The following DDAH1 variants were observed in gnomAD, a reference collection of about 807,000 sequenced individuals.
The protein encoded by DDAH1 is N(G),N(G)-dimethylarginine dimethylaminohydrolase 1.
DDAH1 carries 19 observed loss-of-function variants against 28.8 expected under a neutral mutation model. The ratio of observed to expected loss-of-function variants is 0.66; its 90% CI spans 0.46 to 0.97. The LOEUF (loss-of-function observed/expected upper bound fraction) is 0.97. Among genes scored for constraint, DDAH1 ranks in the 50% least tolerant of loss-of-function variants. The probability of loss-of-function intolerance (pLI) is 0.00; values close to 1 mark genes in which losing one functional copy is unlikely to be tolerated. For synonymous variants in DDAH1, 153 were observed against 154.4 expected, an observed-to-expected ratio of 0.99 and a Z score of 0.07; for missense variants, 326 against 375.9, an observed-to-expected ratio of 0.87 and a Z score of 1.10.
chr1:85,370,678 G>A (rs777807804), intron 1 of DDAH1, among the ~76,000 whole-genome samples: 5 of 152,212 alleles, frequency 3.3e-5, no homozygotes, highest in Non-Finnish European at 5.9e-5. Context: ...ATGTGTTCTG[G>A]AGGGTGGACG....
intron 1 of DDAH1, among the ~76,000 whole-genome samples, chr1:85,520,517 G>A (rs1256177990): frequency 6.6e-6 from 1 of 152,212 alleles, no homozygotes; most frequent in Non-Finnish European, 1.5e-5. Flanking sequence ...TACATGAAAT[G>A]TTTAAGAAGA....
At chr1:85,461,028 T>C (rs1450981611) in intron 1 of DDAH1, among the ~76,000 whole-genome samples, 1 of 152,104 alleles carries the variant, frequency 6.6e-6, no homozygotes, top group African/African-American at 2.4e-5. Flanking sequence ...AGCAGGAGGA[T>C]TGTTGAGCCC....
chr1:85,445,059 C>G (rs143705304), intron 1 of DDAH1, among the ~76,000 whole-genome samples: 2 of 152,136 alleles, frequency 1.3e-5, no homozygotes, highest in African/African-American at 4.8e-5. Context: ...GCCAGTCTCT[C>G]TTTTCACATT....
intron 2 of DDAH1, among the ~76,000 whole-genome samples, chr1:85,471,363 A>G (rs1655616035): frequency 6.6e-6 from 1 of 152,148 alleles, no homozygotes; most frequent in African/African-American, 2.4e-5. Context: ...TCACACCTCT[A>G]AAAACATTCC....
chr1:85,462,087 T>C (rs954778643), intron 1 of DDAH1, among the ~76,000 whole-genome samples: 1 of 152,178 alleles, frequency 6.6e-6, no homozygotes, highest in African/African-American at 2.4e-5. Flanking sequence ...TGGTATGGTG[T>C]ATGGCAAGTG....
intron 1 of DDAH1, among the ~76,000 whole-genome samples, chr1:85,396,861 C>T (rs972305474): frequency 6.6e-6 from 1 of 151,518 alleles, no homozygotes; most frequent in African/African-American, 2.4e-5. Flanking sequence ...ATGGTAAAAC[C>T]CTATTGCTAT....
At chr1:85,427,678 AAC>A (rs1391189892) in intron 1 of DDAH1, among the ~76,000 whole-genome samples, 1 of 152,214 alleles carries the variant, frequency 6.6e-6, no homozygotes, top group African/African-American at 2.4e-5. Flanking sequence ...AAAACAAACA[AAC>A]ACAGTGTAAA....
intron 1 of DDAH1, chr1:85,398,469 C>T (rs899372802): frequency 6.6e-5 from 10 of 152,256 alleles, no homozygotes; most frequent in Middle Eastern, 3.4e-3. Flanking sequence ...TGGACTGGAT[C>T]CTGAATTCTT....
At chr1:85,387,027 C>A (rs1651302780) in intron 1 of DDAH1, among the ~76,000 whole-genome samples, 1 of 152,172 alleles carries the variant, frequency 6.6e-6, no homozygotes, top group Admixed American at 6.5e-5. Flanking sequence ...TGCCCTGGGC[C>A]ATTCCCCTGA....
intron 1 of DDAH1, among the ~76,000 whole-genome samples, chr1:85,446,819 TTTC>T (rs557752604): frequency 1.3e-5 from 2 of 152,224 alleles, no homozygotes; most frequent in Non-Finnish European, 2.9e-5. Flanking sequence ...TTCCTCCTCC[TTTC>T]TTCTTCTCCT....
intron 1 of DDAH1, among the ~76,000 whole-genome samples, chr1:85,461,501 A>T (rs1453766540): frequency 6.6e-6 from 1 of 152,184 alleles, no homozygotes; most frequent in Non-Finnish European, 1.5e-5. Context: ...CAATAACAAT[A>T]GAAAGAGGCA....
At chr1:85,428,529 C>A (rs551128257) in intron 1 of DDAH1, among the ~76,000 whole-genome samples, 1 of 152,232 alleles carries the variant, frequency 6.6e-6, no homozygotes, top group South Asian at 2.1e-4. Context: ...ATGGGAGCTA[C>A]AAATTCAAGA....
chr1:85,337,456 A>ATT lies in DDAH1; in HGVS notation c.598-12575_598-12574dup, dbSNP rs35496019. Among the ~76,000 whole-genome samples the ATT allele has an allele frequency of 2.5e-4, 36 of 145,052 alleles. No individual in the cohort carries two copies. In the East Asian group the frequency reaches 3.4e-3, roughly 14 times the overall value. On this transcript the variant is annotated intron_variant, in intron 4 of 5. Coordinates refer to ENST00000284031, the MANE Select transcript of DDAH1 (RefSeq NM_012137.4). ...AGGAAATTATGTCACAATAAAACTA[A>ATT]TTTTTTTTTTTTTTTGAGATGTAGT...
chr1:85,337,650 C>T (rs1295266064), intron 4 of DDAH1, among the ~76,000 whole-genome samples: 1 of 152,116 alleles, frequency 6.6e-6, no homozygotes, highest in Non-Finnish European at 1.5e-5. Flanking sequence ...GATGGGGTTT[C>T]ACCATATTGG....
intron 1 of DDAH1, among the ~76,000 whole-genome samples, chr1:85,431,143 A>C (rs1460706690): frequency 6.6e-6 from 1 of 152,088 alleles, no homozygotes; most frequent in Non-Finnish European, 1.5e-5. Flanking sequence ...GCATGTATTG[A>C]GATAATCATG....
chr1:85,551,031 G>A (rs1217888233), intron 1 of DDAH1, among the ~76,000 whole-genome samples: 1 of 152,184 alleles, frequency 6.6e-6, no homozygotes, highest in Non-Finnish European at 1.5e-5. Context: ...CTATGTATAA[G>A]CTGAGTTACC....
At chr1:85,393,372 T>A (rs1445733814) in intron 1 of DDAH1, among the ~76,000 whole-genome samples, 1 of 152,208 alleles carries the variant, frequency 6.6e-6, no homozygotes, top group African/African-American at 2.4e-5. Context: ...GTTCTATCCA[T>A]GAGTCCAGGC....
At chr1:85,415,650 GA>G (rs1195964780) in intron 1 of DDAH1, among the ~76,000 whole-genome samples, 3 of 151,866 alleles carry the variant, frequency 2.0e-5, no homozygotes, top group Admixed American at 6.6e-5. Context: ...TTCAAAAACA[GA>G]AAAAAATGAA....
chr1:85,474,532 A>G (rs1655728601), intron 2 of DDAH1, among the ~76,000 whole-genome samples: 1 of 152,078 alleles, frequency 6.6e-6, no homozygotes, highest in African/African-American at 2.4e-5. Context: ...AATCCTCTTT[A>G]GACTCGTTGA....
Sources: gnomAD v4.1 joint callset for allele counts (sites outside exome capture counted in the v4.1 genomes callset) on GRCh38, gnomAD v4.1.1 for gene constraint, MANE v1.5 for transcripts, NCBI Gene and HGNC (gene_info 2026-07-23, HGNC 2026-07-21) for gene names.